Variants in PRMT1 observed in about 807,000 individuals in gnomAD.
PRMT1 encodes the protein protein arginine N-methyltransferase 1.
PRMT1 carries 5 observed loss-of-function variants against 47.4 expected under a neutral mutation model. The observed-to-expected ratio is 0.11, with a 90% CI of 0.06 to 0.22. The LOEUF (loss-of-function observed/expected upper bound fraction) is 0.22. Ranked by LOEUF, PRMT1 falls within the 10% of genes least tolerant of loss-of-function variation. The pLI is 1.00. For missense variants in PRMT1, 249 were observed against 518.4 expected (o/e 0.48, Z 5.05); for synonymous variants, 227 against 204.6 (o/e 1.11, Z -0.94).
At chr19:49,686,002 G>C in intron 8 of PRMT1, 91 bp from the exon 9 acceptor site, 1 of 1,534,188 alleles carries the variant, frequency 6.5e-7, no homozygotes, top group Non-Finnish European at 8.7e-7. Context: ...GGGACAGCGA[G>C]GTCACAGGCC....
rs951314591 is a variant in PRMT1 at position 49,686,082 on chromosome 19, A to G, written c.760-11A>G. 2 of 1,611,832 alleles carry G rather than the reference A, an allele frequency of 1.2e-6. No homozygotes were observed. The highest frequency in any genetic ancestry group is 1.7e-4 in the Middle Eastern group (1 of 5,944). On this transcript the variant is annotated splice_polypyrimidine_tract_variant and intron_variant, in intron 8 of 10. Transcript: ENST00000454376. ...GACGCATCCCGGAGCTCGCCCTCTCATGTCCTGCAGGAGGTGGACATCTAT... is the reference window on the plus strand; with the variant it reads ...GACGCATCCCGGAGCTCGCCCTCTCGTGTCCTGCAGGAGGTGGACATCTAT...
chr19:49,677,374 C>T, intron 1 of PRMT1, 58 bp downstream of exon 1: 2 of 1,338,730 alleles, frequency 1.5e-6, no homozygotes, highest in African/African-American at 1.5e-5. Context: ...TGTTTCACGC[C>T]TCTGTGGTGG....
intron 1 of PRMT1, chr19:49,679,629 G>A (rs571363402): frequency 4.4e-5 from 31 of 697,202 alleles, no homozygotes; most frequent in Non-Finnish European, 6.0e-5. Flanking sequence ...GAGGGGCAGC[G>A]TGGGGGTGGG....
intron 1 of PRMT1, among the ~76,000 whole-genome samples, chr19:49,678,023 G>C (rs553324815): frequency 1.1e-3 from 160 of 152,226 alleles, no homozygotes; most frequent in African/African-American, 3.7e-3. Context: ...ACCTCCCTCT[G>C]GGTGGTGGTG....
chr19:49,684,977 G>A lies in PRMT1; in HGVS notation c.699G>A (p.Lys233=). 6.2e-7 allele frequency: 1 copy of A among 1,607,820 alleles called. No individual in the cohort carries two copies. The highest frequency in any genetic ancestry group is 8.5e-7 in the Non-Finnish European group (1 of 1,175,802). Reference sequence around the variant, plus strand: ...CTTGCATCAAAGATGTGGCCATTAAGGAGCCCCTAGTGGATGTCGTGGACC... The same window carrying A: ...CTTGCATCAAAGATGTGGCCATTAAAGAGCCCCTAGTGGATGTCGTGGACC... The part of the protein sequence containing the change: ...DMSCIKDVAI[K]EPLVDVVDPK... Residue 233 remains lysine, a synonymous_variant, in exon 8 of 11, where the codon AAG becomes AAA. Coordinates refer to ENST00000454376, the MANE Select transcript of PRMT1 (RefSeq NM_001536.6). This position sits in a 1 kb window ranked among gnomAD's most constrained non-coding sequence, Gnocchi z 6.2.
At chr19:49,679,955 A>G (rs1280747473) in intron 2 of PRMT1, 30 bp downstream of exon 2, 3 of 1,583,998 alleles carry the variant, frequency 1.9e-6, no homozygotes, top group African/African-American at 1.4e-5. Flanking sequence ...ACCCCTCCCC[A>G]CCCTGACCTC....
chr19:49,678,295 C>T (rs1421914241), intron 1 of PRMT1: 1 of 152,324 alleles, frequency 6.6e-6, no homozygotes, highest in Non-Finnish European at 1.5e-5. Flanking sequence ...CTCCTTCTTC[C>T]TGAAGCCCTG....
At chr19:49,683,465 G>T (rs2082152263) in intron 5 of PRMT1, among the ~76,000 whole-genome samples, 1 of 151,836 alleles carries the variant, frequency 6.6e-6, no homozygotes, top group African/African-American at 2.4e-5. Flanking sequence ...GAGGCGGGCG[G>T]ATCGTGAGGT....
In PRMT1 at chr19:49,685,618, C is replaced by T. The variant is rs762844764; in HGVS notation, c.760-475C>T. The T allele has an allele frequency of 6.9e-6, 7 of 1,008,972 alleles. No individual in the cohort carries two copies. The highest frequency in any genetic ancestry group is 1.0e-4 in the East Asian group (1 of 9,580). The allele number at this position is 1,008,972 out of a possible 1,614,324, so 62.5% of individuals were successfully genotyped here. A position where few individuals can be genotyped will look rare whatever the true frequency, so the allele number is the denominator to read the frequency against. On this transcript the variant is annotated intron_variant, in intron 8 of 10. Transcript: ENST00000454376. The surrounding 1 kb of genome is among the most constrained non-coding windows in gnomAD (Gnocchi z 4.7). ...AGCCGGGTGAAGCTGGGTGGCTGAC[C>T]GGGGGATCCTGTCGGGGAGGAGTAA...
chr19:49,688,385 C>A lies in PRMT1; in HGVS notation c.*140C>A. On this transcript the variant is annotated 3_prime_UTR_variant, in exon 11 of 11. Coordinates refer to ENST00000454376, the MANE Select transcript of PRMT1 (RefSeq NM_001536.6). This position sits in a 1 kb window ranked among gnomAD's most constrained non-coding sequence, Gnocchi z 5.3. ...GGGGGATGGGGAGGGCACATCGTGA[C>A]TGTGTTTTTCATAACTTATGTTTTT... The A allele has an allele frequency of 1.4e-6, 1 of 722,694 alleles. No individual in the cohort carries two copies. The highest frequency in any genetic ancestry group is 2.7e-5 in the East Asian group (1 of 37,330). The allele number at this position is 722,694 out of a possible 1,614,324, so 44.8% of individuals were successfully genotyped here. A position where few individuals can be genotyped will look rare whatever the true frequency, so the allele number is the denominator to read the frequency against.
At position 49,685,477 on chromosome 19, in the gene PRMT1, T is replaced by C; in HGVS notation, c.759+440T>C. The C allele has an allele frequency of 9.5e-7, 1 of 1,048,012 alleles. No homozygotes were observed. Among genetic ancestry groups the C allele is most frequent in the South Asian group, 3.2e-5 (1 of 31,176 alleles). The allele number at this position is 1,048,012 out of a possible 1,614,324, so 64.9% of individuals were successfully genotyped here. On this transcript the variant is annotated intron_variant, in intron 8 of 10. Transcript: ENST00000454376. The surrounding 1 kb of genome is among the most constrained non-coding windows in gnomAD (Gnocchi z 4.7). ...GTGAGCTGTGATCACATCACTGCAC[T>C]CCAGCTTTGGTGACAATGTTTTGTT...
Position 49,688,111 on chromosome 19 carries a change from C to CG in PRMT1, c.1033-50dup, listed in dbSNP as rs1555770899. 1 of 1,535,918 alleles carries CG rather than the reference C, an allele frequency of 6.5e-7. No individual in the cohort carries two copies. The highest frequency in any genetic ancestry group is 9.0e-7 in the Non-Finnish European group (1 of 1,109,090). ...GCATAGCCTGCCTGCACCCGCCCCC[C>CG]GCCACCACCTCCTGGTGGGTTCCGC... On this transcript the variant is annotated intron_variant, in intron 10 of 10. Coordinates refer to ENST00000454376, the MANE Select transcript of PRMT1 (RefSeq NM_001536.6). This position sits in a 1 kb window ranked among gnomAD's most constrained non-coding sequence, Gnocchi z 5.3.
rs569243484 is a variant in PRMT1 at position 49,683,850 on chromosome 19, G to A, written c.413-77G>A. 406 of 1,543,072 alleles carry A rather than the reference G, an allele frequency of 2.6e-4. 2 individuals carry two copies. The African/African-American group carries it at 4.7e-3, about 18-fold the overall frequency. On this transcript the variant is annotated intron_variant, in intron 5 of 10. Transcript: ENST00000454376. ...TCTCTGAACTGAAGTGGGGTCCCCA[G>A]GCTCTAGCCCCCGGGGGAGGTGAGG...
At chr19:49,686,557 T>TTGGGGGGGGG in intron 9 of PRMT1, 48 bp from the exon 10 acceptor site, 1 of 976,192 alleles carries the variant, frequency 1.0e-6, no homozygotes. Context: ...AAGGGTGGGG[T>TTGGGGGGGGG]TGGGGGGGGC....
chr19:49,684,119 A>G lies in PRMT1; in HGVS notation c.555+50A>G, dbSNP rs2122988636. The G allele has an allele frequency of 6.2e-7, 1 of 1,606,610 alleles. No individual in the cohort carries two copies. Among genetic ancestry groups the G allele is most frequent in the Non-Finnish European group, 8.5e-7 (1 of 1,174,960 alleles). Reference sequence around the variant, plus strand: ...AGCTCGCGTGGGCTGGGGTCCAGGTAGAAGACGAAAACCACGCTCAATTTT... The same window carrying G: ...AGCTCGCGTGGGCTGGGGTCCAGGTGGAAGACGAAAACCACGCTCAATTTT... On this transcript the variant is annotated intron_variant, in intron 6 of 10. Coordinates refer to ENST00000454376, the MANE Select transcript of PRMT1 (RefSeq NM_001536.6). The surrounding 1 kb of genome is among the most constrained non-coding windows in gnomAD (Gnocchi z 6.2).
In PRMT1 at chr19:49,684,750, G is replaced by T; in HGVS notation, c.556-4G>T. ...CCTTCATGCCTCGCCCTGCCCCTCT[G>T]TAGGCGCCCGATGGCCTCATCTTCC... On this transcript the variant is annotated splice_polypyrimidine_tract_variant and splice_region_variant and intron_variant, in intron 6 of 10. Transcript: ENST00000454376. The surrounding 1 kb of genome is among the most constrained non-coding windows in gnomAD (Gnocchi z 6.2). The T allele has an allele frequency of 6.4e-7, 1 of 1,552,730 alleles. No homozygotes were observed. The highest frequency in any genetic ancestry group is 8.7e-7 in the Non-Finnish European group (1 of 1,147,964).
intron 9 of PRMT1, 109 bp downstream of exon 9, chr19:49,686,352 G>A (rs1296821485): frequency 5.7e-6 from 8 of 1,397,802 alleles, no homozygotes; most frequent in South Asian, 2.9e-5. Flanking sequence ...GGGGACACGC[G>A]TGTTCCAGTG....
chr19:49,679,708 T>G, intron 1 of PRMT1, 164 bp from the exon 2 acceptor site: 5 of 646,154 alleles, frequency 7.7e-6, no homozygotes, highest in East Asian at 2.9e-5. Context: ...TTCCCACCCT[T>G]TCTTAAACAC....
chr19:49,677,382 T>A, intron 1 of PRMT1, 66 bp downstream of exon 1: 1 of 1,315,616 alleles, frequency 7.6e-7, no homozygotes, highest in Non-Finnish European at 9.8e-7. Flanking sequence ...GCCTCTGTGG[T>A]GGGGAAAGGG....
Sources: gnomAD v4.1 joint callset for allele counts (sites outside exome capture counted in the v4.1 genomes callset) on GRCh38, gnomAD v4.1.1 for gene constraint, Gnocchi (gnomAD v3.1) non-coding constraint, MANE v1.5 for transcripts, NCBI Gene and HGNC (gene_info 2026-07-23, HGNC 2026-07-21) for gene names.